ZMAT4: variants seen among roughly 807,000 people sequenced by gnomAD.
The protein encoded by ZMAT4 is zinc finger matrin-type protein 4.
ZMAT4 carries 17 observed loss-of-function variants against 28.7 expected under a neutral mutation model. That is an observed-to-expected ratio of 0.59 (90% CI 0.41 to 0.89). The LOEUF is 0.89. Ranked by LOEUF, ZMAT4 falls within the 40% of genes least tolerant of loss-of-function variation. The pLI, the probability that ZMAT4 is intolerant of heterozygous loss-of-function variation, is 0.00. For synonymous variants in ZMAT4, 117 were observed against 109.2 expected (o/e 1.07, Z -0.44); for missense variants, 240 against 283.8 (o/e 0.85, Z 1.11).
chr8:40,664,696 CTG>C (rs1225095695), intron 5 of ZMAT4, among the ~76,000 whole-genome samples: 1 of 152,194 alleles, frequency 6.6e-6, no homozygotes, highest in East Asian at 1.9e-4. Context: ...CTCATGGAAA[CTG>C]TGAGAGATGA....
intron 3 of ZMAT4, among the ~76,000 whole-genome samples, chr8:40,757,990 T>A (rs1010050577): frequency 6.6e-6 from 1 of 152,118 alleles, no homozygotes; most frequent in Non-Finnish European, 1.5e-5. Context: ...CCCTAGAACA[T>A]CAGACTCCAA....
intron 3 of ZMAT4, among the ~76,000 whole-genome samples, chr8:40,750,289 C>T (rs575198952): frequency 6.2e-4 from 95 of 152,278 alleles, no homozygotes; most frequent in Middle Eastern, 3.4e-3. Flanking sequence ...AAACAGACTT[C>T]TTCGTTCTGC....
At chr8:40,805,570 A>C (rs1211192311) in intron 2 of ZMAT4, among the ~76,000 whole-genome samples, 6 of 121,522 alleles carry the variant, frequency 4.9e-5, no homozygotes, top group East Asian at 2.4e-4. Context: ...CTGGATTAAG[A>C]AAATTTGGCA....
intron 1 of ZMAT4, among the ~76,000 whole-genome samples, chr8:40,845,789 A>G (rs1816867037): frequency 7.8e-6 from 1 of 127,548 alleles, no homozygotes; most frequent in Non-Finnish European, 1.7e-5. Context: ...AAAAAAAAAA[A>G]AAAAAAAAGA....
chr8:40,622,980 G>A (rs1011665996), intron 5 of ZMAT4, among the ~76,000 whole-genome samples: 1 of 152,074 alleles, frequency 6.6e-6, no homozygotes, highest in African/African-American at 2.4e-5. Context: ...AGTCCAAAAG[G>A]TTAGATAGTA....
chr8:40,615,632 C>G (rs1805974602), intron 5 of ZMAT4, among the ~76,000 whole-genome samples: 1 of 152,124 alleles, frequency 6.6e-6, no homozygotes, highest in African/African-American at 2.4e-5. Context: ...TTTCTTTTTA[C>G]TCTTTTTTTC....
intron 1 of ZMAT4, among the ~76,000 whole-genome samples, chr8:40,829,565 G>A (rs1816201655): frequency 6.6e-6 from 1 of 152,094 alleles, no homozygotes; most frequent in Non-Finnish European, 1.5e-5. Context: ...AATGGTTTGG[G>A]GAAATCTAGC....
chr8:40,558,375 G>C (rs1803616006), intron 6 of ZMAT4, among the ~76,000 whole-genome samples: 1 of 152,114 alleles, frequency 6.6e-6, no homozygotes, highest in Non-Finnish European at 1.5e-5. Context: ...GAGCTAGTTA[G>C]GAAGCTGTCG....
At chr8:40,847,692 C>T (rs528591025) in intron 1 of ZMAT4, among the ~76,000 whole-genome samples, 1 of 152,164 alleles carries the variant, frequency 6.6e-6, no homozygotes, top group Non-Finnish European at 1.5e-5. Context: ...TCCTTCCCCC[C>T]TAAATTTCAC....
At chr8:40,711,621 T>C (rs779496842) in intron 3 of ZMAT4, among the ~76,000 whole-genome samples, 15 of 152,058 alleles carry the variant, frequency 9.9e-5, no homozygotes, top group Non-Finnish European at 1.5e-4. Context: ...TATAGGTAAA[T>C]GGTAAAGAAT....
At chr8:40,645,799 T>A (rs1317296844) in intron 5 of ZMAT4, among the ~76,000 whole-genome samples, 1 of 152,154 alleles carries the variant, frequency 6.6e-6, no homozygotes, top group Non-Finnish European at 1.5e-5. Context: ...AAATTATCTT[T>A]GAATAAACTT....
intron 1 of ZMAT4, among the ~76,000 whole-genome samples, chr8:40,846,423 G>C (rs1255537223): frequency 6.6e-6 from 1 of 152,240 alleles, no homozygotes; most frequent in East Asian, 1.9e-4. Flanking sequence ...CAGAGGGAGA[G>C]GGTGTCCTGG....
chr8:40,741,884 A>C (rs1812018293), intron 3 of ZMAT4, among the ~76,000 whole-genome samples: 1 of 152,220 alleles, frequency 6.6e-6, no homozygotes, highest in Non-Finnish European at 1.5e-5. Context: ...CCAAACAAGA[A>C]AGCATTAAAA....
intron 6 of ZMAT4, among the ~76,000 whole-genome samples, chr8:40,552,956 A>G (rs1462298501): frequency 6.6e-6 from 1 of 152,214 alleles, no homozygotes; most frequent in Admixed American, 6.5e-5. Context: ...AAAGCTAAGC[A>G]CGTGGGAGTT....
chr8:40,601,467 AG>A (rs56949562), intron 5 of ZMAT4, among the ~76,000 whole-genome samples: 16,751 of 83,836 alleles, frequency 0.2, 3,300 homozygotes, highest in African/African-American at 0.35. Context: ...GGAGGAAGAA[AG>A]GAAAGAAAGA....
At chr8:40,725,035 C>G (rs1385327045) in intron 3 of ZMAT4, among the ~76,000 whole-genome samples, 1 of 152,162 alleles carries the variant, frequency 6.6e-6, no homozygotes, top group Admixed American at 6.5e-5. Flanking sequence ...TTTTCCATCA[C>G]TACATGACTT....
chr8:40,692,567 C>T (rs1585887386), intron 4 of ZMAT4, among the ~76,000 whole-genome samples: 1 of 152,162 alleles, frequency 6.6e-6, no homozygotes, highest in Non-Finnish European at 1.5e-5. Flanking sequence ...GTAGCCAGGT[C>T]TTAACACACA....
intron 5 of ZMAT4, among the ~76,000 whole-genome samples, chr8:40,585,049 C>A (rs1158238595): frequency 6.6e-6 from 1 of 152,124 alleles, no homozygotes; most frequent in African/African-American, 2.4e-5. Context: ...TGGAGGCGTT[C>A]ACATTATTAT....
intron 2 of ZMAT4, among the ~76,000 whole-genome samples, chr8:40,792,319 A>G (rs905794884): frequency 3.3e-5 from 5 of 151,440 alleles, no homozygotes; most frequent in African/African-American, 1.2e-4. Flanking sequence ...GAGACTATAA[A>G]TAGTTATATA....
Sources: gnomAD v4.1 joint callset for allele counts (sites outside exome capture counted in the v4.1 genomes callset) on GRCh38, gnomAD v4.1.1 for gene constraint, MANE v1.5 for transcripts, NCBI Gene and HGNC (gene_info 2026-07-23, HGNC 2026-07-21) for gene names.